DZANK1: variants seen among roughly 807,000 people sequenced by gnomAD.
DZANK1 encodes the protein double zinc ribbon and ankyrin repeat domains 1.
In DZANK1, 91 loss-of-function variants were observed where a neutral mutation model predicts 94.5. That is an observed-to-expected ratio of 0.96 (90% CI 0.81 to 1.15). The LOEUF is 1.15. Ranked by LOEUF, DZANK1 falls within the 50% of genes most tolerant of loss-of-function variation. The probability of loss-of-function intolerance (pLI) is 0.00; values close to 1 mark genes in which losing one functional copy is unlikely to be tolerated. For synonymous variants in DZANK1, 312 were observed against 325.3 expected (o/e 0.96, Z 0.44); for missense variants, 903 against 916.4 (o/e 0.99, Z 0.19).
chr20:18,409,665 T>C (rs1453087940), intron 13 of DZANK1, among the ~76,000 whole-genome samples: 1 of 151,964 alleles, frequency 6.6e-6, no homozygotes, highest in Non-Finnish European at 1.5e-5. Flanking sequence ...TTTCCCTTCT[T>C]CTCAACAGAT....
intron 12 of DZANK1, 182 bp from the exon 13 acceptor site, chr20:18,413,035 A>C: frequency 1.6e-6 from 1 of 633,348 alleles, no homozygotes; most frequent in Non-Finnish European, 2.7e-6. Flanking sequence ...AGCAACTTCC[A>C]GCCTGATCCA....
chr20:18,387,839 T>C (rs1464395282), intron 19 of DZANK1, among the ~76,000 whole-genome samples: 1 of 152,214 alleles, frequency 6.6e-6, no homozygotes, highest in Non-Finnish European at 1.5e-5. Flanking sequence ...AGAGACCACC[T>C]AGGCTCCACT....
intron 19 of DZANK1, among the ~76,000 whole-genome samples, chr20:18,387,973 A>C (rs1485238207): frequency 2.0e-5 from 3 of 152,192 alleles, no homozygotes; most frequent in Non-Finnish European, 4.4e-5. Context: ...AATAGGATGG[A>C]TGGAACTTTG....
exon 18 of DZANK1, chr20:18,390,415 T>C: frequency 6.2e-7 from 1 of 1,613,960 alleles, no homozygotes; most frequent in Non-Finnish European, 8.5e-7. Flanking sequence ...AGACTCTTCC[T>C]TCCCCCGTGG....
chr20:18,446,064 CAAAAA>C (rs144762783), intron 7 of DZANK1, among the ~76,000 whole-genome samples: 1 of 124,660 alleles, frequency 8.0e-6, no homozygotes. Context: ...CACGCCCAGC[CAAAAA>C]AAAAAAAAAG....
chr20:18,441,953 A>G lies in DZANK1; in HGVS notation c.747+1394T>C, dbSNP rs1292562372. Among the ~76,000 whole-genome samples, 1 of 152,226 alleles carries G rather than the reference A, an allele frequency of 6.6e-6. No individual in the cohort carries two copies. Among genetic ancestry groups the G allele is most frequent in the Non-Finnish European group, 1.5e-5 (1 of 68,036 alleles). On this transcript the variant is annotated intron_variant, in intron 8 of 20. Transcript: ENST00000262547. This position sits in a 1 kb window ranked among gnomAD's most constrained non-coding sequence, Gnocchi z 4.1. ...CCTACAGGTTAGCTCACATGGCAAG[A>G]GCAAAGAGACAGGAGAGCACACACC...
chr20:18,444,947 C>T (rs1374696039), intron 7 of DZANK1, among the ~76,000 whole-genome samples: 5 of 152,016 alleles, frequency 3.3e-5, no homozygotes, highest in African/African-American at 4.8e-5. Flanking sequence ...ACTACAGGTG[C>T]CTGCCACCAA....
intron 8 of DZANK1, among the ~76,000 whole-genome samples, chr20:18,438,034 T>G (rs1243820937): frequency 6.6e-6 from 1 of 151,582 alleles, no homozygotes; most frequent in Admixed American, 6.6e-5. Flanking sequence ...CTGGCTAACA[T>G]GGTGAAACCC....
chr20:18,395,647 C>A (rs762177112), intron 15 of DZANK1, among the ~76,000 whole-genome samples: 16 of 152,148 alleles, frequency 1.1e-4, no homozygotes. Flanking sequence ...TGGTTTAATT[C>A]ATTCTCCAGA....
At chr20:18,450,109 T>TAAATAAAC (rs1460162536) in intron 6 of DZANK1, among the ~76,000 whole-genome samples, 93 of 94,426 alleles carry the variant, frequency 9.8e-4, no homozygotes, top group Middle Eastern at 5.4e-3. Context: ...AATAAATAAA[T>TAAATAAAC]AAACAAACAA....
intron 9 of DZANK1, 27 bp downstream of exon 9, chr20:18,433,625 T>G (rs16979149): frequency 1.3e-6 from 2 of 1,597,322 alleles, no homozygotes; most frequent in Admixed American, 1.7e-5. Flanking sequence ...ATTTCATTCA[T>G]GTTTTTACAG....
At chr20:18,387,239 T>C (rs144962830) in intron 19 of DZANK1, among the ~76,000 whole-genome samples, 2 of 152,298 alleles carry the variant, frequency 1.3e-5, no homozygotes, top group African/African-American at 4.8e-5. Flanking sequence ...GAGCAGAGGG[T>C]TCATTCTATG....
At chr20:18,451,985 A>G (rs1409110066) in intron 6 of DZANK1, 1 of 513,866 alleles carries the variant, frequency 1.9e-6, no homozygotes, top group Admixed American at 2.0e-5. Context: ...TACCATTTAC[A>G]ATTAGAATAG....
In DZANK1 at chr20:18,409,816, T is replaced by C. The variant is rs376668750; in HGVS notation, c.1432+2830A>G. Among the ~76,000 whole-genome samples, 4 of 152,176 alleles carry C rather than the reference T, an allele frequency of 2.6e-5. No individual in the cohort carries two copies. In the East Asian group the frequency reaches 7.7e-4, roughly 29 times the overall value. Reference sequence around the variant, plus strand: ...CAGGCGTGGTGGCTCACGCCTGTAATCCTAGCACTTCGGGAGGCCAAGGCG... The same window carrying C: ...CAGGCGTGGTGGCTCACGCCTGTAACCCTAGCACTTCGGGAGGCCAAGGCG... On this transcript the variant is annotated intron_variant, in intron 13 of 20. Coordinates refer to ENST00000262547, the Ensembl canonical transcript of DZANK1.
intron 1 of DZANK1, among the ~76,000 whole-genome samples, chr20:18,465,813 T>C (rs2059628614): frequency 6.6e-6 from 1 of 152,250 alleles, no homozygotes; most frequent in African/African-American, 2.4e-5. Flanking sequence ...TACCACAAAA[T>C]GTTAGTTAGA....
At chr20:18,395,800 TA>T (rs1183961187) in intron 15 of DZANK1, among the ~76,000 whole-genome samples, 1 of 152,130 alleles carries the variant, frequency 6.6e-6, no homozygotes, top group Non-Finnish European at 1.5e-5. Context: ...TCACAACAAT[TA>T]AAAAGAGCAG....
intron 7 of DZANK1, among the ~76,000 whole-genome samples, chr20:18,445,042 C>T (rs1478235917): frequency 4.0e-5 from 6 of 151,840 alleles, no homozygotes; most frequent in Admixed American, 1.3e-4. Flanking sequence ...CTCCTGACCT[C>T]GTGATCCGCC....
chr20:18,385,456 C>T lies in DZANK1; in HGVS notation c.2019-366G>A, dbSNP rs189004420. ...TTTGAGACGGAGTCTTGCTCTGTCA[C>T]CCATGGTGGAGTGCAGTGGTGTGAT... On this transcript the variant is annotated intron_variant, in intron 19 of 20. Transcript: ENST00000262547. Among the ~76,000 whole-genome samples, 320 of 151,914 alleles carry T rather than the reference C, an allele frequency of 2.1e-3. 1 individual carries two copies. The highest frequency in any genetic ancestry group is 6.9e-3 in the African/African-American group (287 of 41,434).
At chr20:18,414,581 A>G (rs1233343781) in intron 11 of DZANK1, 69 bp from the exon 12 acceptor site, 3 of 1,510,312 alleles carry the variant, frequency 2.0e-6, no homozygotes, top group Non-Finnish European at 2.7e-6. Context: ...TTCTCATACC[A>G]TACAAATTAA....
Sources: gnomAD v4.1 joint callset for allele counts (sites outside exome capture counted in the v4.1 genomes callset) on GRCh38, gnomAD v4.1.1 for gene constraint, Gnocchi (gnomAD v3.1) non-coding constraint, MANE v1.5 for transcripts, NCBI Gene and HGNC (gene_info 2026-07-23, HGNC 2026-07-21) for gene names.